Variants in CYFIP1 observed in about 807,000 individuals in gnomAD.
The protein encoded by CYFIP1 is cytoplasmic FMR1 interacting protein 1, also known as cytoplasmic FMR1-interacting protein 1.
In CYFIP1, 58 loss-of-function variants were observed where a neutral mutation model predicts 163.5. That is an observed-to-expected ratio of 0.35 (90% CI 0.29 to 0.44). CYFIP1 has a LOEUF of 0.44. Among genes scored for constraint, CYFIP1 ranks in the 20% least tolerant of loss-of-function variants. The pLI, the probability that CYFIP1 is intolerant of heterozygous loss-of-function variation, is 1.00. For synonymous variants in CYFIP1, 663 were observed against 660.7 expected (o/e 1.00, Z -0.05); for missense variants, 1,338 against 1,653.8 (o/e 0.81, Z 3.31).
chr15:22,923,723 A>G (rs1411440725), intron 13 of CYFIP1, among the ~76,000 whole-genome samples: 1 of 152,086 alleles, frequency 6.6e-6, no homozygotes, highest in African/African-American at 2.4e-5. Context: ...CAGGAGGATC[A>G]CTTGAGCTCA....
At position 22,917,774 on chromosome 15, in the gene CYFIP1, C is replaced by G; in HGVS notation, c.1674+14G>C. ...CCAGGGAGAGGGTGCAGGCGGGGCT[C>G]AAGGGACGAGAACCTGAGTGCTGGA... On this transcript the variant is annotated intron_variant, in intron 15 of 30. Transcript: ENST00000617928. This position sits in a 1 kb window ranked among gnomAD's most constrained non-coding sequence, Gnocchi z 4.2. The G allele has an allele frequency of 6.3e-7, 1 of 1,590,558 alleles. No individual in the cohort carries two copies. Among genetic ancestry groups the G allele is most frequent in the South Asian group, 1.2e-5 (1 of 86,560 alleles).
intron 9 of CYFIP1, 82 bp downstream of exon 9, chr15:22,937,022 C>T: frequency 2.2e-6 from 2 of 913,780 alleles, no homozygotes; most frequent in Admixed American, 1.9e-5. Context: ...ATATAGATCA[C>T]AGTCACACAG....
rs532027975 is a variant in CYFIP1 at position 22,867,910 on chromosome 15, A to G, written c.*2118T>C. 1 of 152,348 alleles carries G rather than the reference A, an allele frequency of 6.6e-6. No homozygotes were observed. Among genetic ancestry groups the G allele is most frequent in the East Asian group, 1.9e-4 (1 of 5,190 alleles). The allele number at this position is 152,348 out of a possible 1,614,324, so 9.4% of individuals were successfully genotyped here. On this transcript the variant is annotated 3_prime_UTR_variant, in exon 31 of 31. Coordinates refer to ENST00000617928, the MANE Select transcript of CYFIP1 (RefSeq NM_014608.6). Reference sequence around the variant, plus strand: ...TATGCAGAAAAGGTAGAATAATAAAAAAGGTCTAATGAACTCCATTCAGCT... The same window carrying G: ...TATGCAGAAAAGGTAGAATAATAAAGAAGGTCTAATGAACTCCATTCAGCT...
In CYFIP1 at chr15:22,873,687, G is replaced by C; in HGVS notation, c.3253C>G (p.Arg1085Gly). The C allele has an allele frequency of 1.2e-6, 2 of 1,613,942 alleles. No individual in the cohort carries two copies. The highest frequency in any genetic ancestry group is 1.1e-5 in the South Asian group (1 of 91,064). ...AREGDLLTKE[R>G]LCCGLSMFEV... ...AACATGGACAGGCCGCAGCAGAGGC[G>C]CTCCTTTGTCAGCAGGTCCCCCTCT... The change falls in exon 29 of 31, where the codon CGC becomes GGC. Residue 1085 changes from arginine (R) to glycine (G), a missense_variant. Arg to Gly is a moderately radical substitution (Grantham distance 125). Coordinates refer to ENST00000617928, the MANE Select transcript of CYFIP1 (RefSeq NM_014608.6).
chr15:22,966,889 G>A (rs1385404202), intron 1 of CYFIP1, among the ~76,000 whole-genome samples: 2 of 152,142 alleles, frequency 1.3e-5, no homozygotes, highest in African/African-American at 2.4e-5. Context: ...TGCACACACT[G>A]TATGAGACAG....
intron 1 of CYFIP1, chr15:22,951,440 G>A (rs1172970296): frequency 7.8e-7 from 1 of 1,289,448 alleles, no homozygotes; most frequent in East Asian, 5.5e-5. Context: ...TGGGGGGCCT[G>A]CCCTTGGTGT....
chr15:22,918,034 GC>G, intron 14 of CYFIP1, 99 bp from the exon 15 acceptor site: 1 of 1,371,212 alleles, frequency 7.3e-7, no homozygotes, highest in Non-Finnish European at 1.0e-6. Context: ...TCTCAGAACA[GC>G]CCCCATGAAA....
At chr15:22,904,374 C>T (rs930588924) in intron 21 of CYFIP1, 11 of 230,988 alleles carry the variant, frequency 4.8e-5, no homozygotes, top group Admixed American at 2.1e-4. Context: ...CAAGCCCTCA[C>T]GTGCGCTGCT....
chr15:22,975,981 C>G (rs2063261217), intron 1 of CYFIP1, among the ~76,000 whole-genome samples: 1 of 151,926 alleles, frequency 6.6e-6, no homozygotes, highest in African/African-American at 2.4e-5. Flanking sequence ...ATGAAGAGAA[C>G]TGATGTCTTT....
At chr15:22,948,318 C>G (rs144597720) in intron 1 of CYFIP1, among the ~76,000 whole-genome samples, 12 of 151,810 alleles carry the variant, frequency 7.9e-5, no homozygotes, top group Non-Finnish European at 1.0e-4. Context: ...CACCCCAAAC[C>G]CTGAGACCAC....
chr15:22,899,820 G>C (rs1358788489), intron 22 of CYFIP1, among the ~76,000 whole-genome samples: 1 of 152,192 alleles, frequency 6.6e-6, no homozygotes, highest in Non-Finnish European at 1.5e-5. Context: ...GGCTGAGGCA[G>C]GTGGATCACC....
intron 22 of CYFIP1, among the ~76,000 whole-genome samples, chr15:22,902,234 G>A (rs1423674632): frequency 5.3e-5 from 8 of 152,252 alleles, no homozygotes; most frequent in African/African-American, 1.7e-4. Flanking sequence ...TAAGGCCCCA[G>A]CAGATGGCTC....
upstream of CYFIP1, among the ~76,000 whole-genome samples, chr15:22,980,688 C>G (rs559000666): frequency 1.7e-4 from 26 of 152,142 alleles, no homozygotes; most frequent in African/African-American, 6.0e-4. Context: ...CACCCTGTCC[C>G]GGGGCTCCAC....
At chr15:22,965,912 G>T (rs2062885899) in intron 1 of CYFIP1, among the ~76,000 whole-genome samples, 4 of 152,154 alleles carry the variant, frequency 2.6e-5, no homozygotes, top group Admixed American at 2.6e-4. Flanking sequence ...ACTGTTATGG[G>T]CTGAACTGTG....
intron 9 of CYFIP1, 45 bp downstream of exon 9, chr15:22,937,059 G>T: frequency 7.4e-7 from 1 of 1,342,780 alleles, no homozygotes; most frequent in Non-Finnish European, 1.1e-6. Flanking sequence ...AATTCAAAGT[G>T]CACACAAATC....
intron 1 of CYFIP1, among the ~76,000 whole-genome samples, chr15:22,966,111 G>A (rs1018174035): frequency 1.3e-5 from 2 of 151,966 alleles, no homozygotes; most frequent in African/African-American, 4.8e-5. Context: ...CACTTTGGGA[G>A]GCCGAGGCGG....
intron 1 of CYFIP1, among the ~76,000 whole-genome samples, chr15:22,979,288 G>A (rs575827035): frequency 1.0e-3 from 157 of 152,270 alleles, no homozygotes; most frequent in African/African-American, 3.7e-3. Flanking sequence ...GGCCCCCGCG[G>A]GTCCCGGCCT....
Position 22,958,946 on chromosome 15 carries a change from G to A in CYFIP1, c.-6-11655C>T, listed in dbSNP as rs566157033. 3.3e-5 allele frequency among the ~76,000 whole-genome samples: 5 copies of A among 152,302 alleles called. No individual in the cohort carries two copies. In the South Asian group the frequency reaches 6.2e-4, roughly 19 times the overall value. On this transcript the variant is annotated intron_variant, in intron 1 of 30. Coordinates refer to ENST00000617928, the MANE Select transcript of CYFIP1 (RefSeq NM_014608.6). ...TATTCCACAGAATAAAGTCTCAATC[G>A]CTCATAGAACACCCAAGGGCCTCCC...
At chr15:22,880,897 G>A (rs1172790333) in intron 25 of CYFIP1, among the ~76,000 whole-genome samples, 1 of 152,156 alleles carries the variant, frequency 6.6e-6, no homozygotes, top group South Asian at 2.1e-4. Context: ...AGCTTTCCCT[G>A]TACCACACTG....
Sources: gnomAD v4.1 joint callset for allele counts (sites outside exome capture counted in the v4.1 genomes callset) on GRCh38, gnomAD v4.1.1 for gene constraint, Gnocchi (gnomAD v3.1) non-coding constraint, MANE v1.5 for transcripts, NCBI Gene and HGNC (gene_info 2026-07-23, HGNC 2026-07-21) for gene names.